The following TIAM2 variants were observed in gnomAD, a reference collection of about 807,000 sequenced individuals.
TIAM2 encodes the protein rho guanine nucleotide exchange factor TIAM2.
A neutral mutation model predicts 152.9 loss-of-function variants in TIAM2; 80 were observed. The observed-to-expected ratio is 0.52, with a 90% CI of 0.44 to 0.63. The LOEUF (loss-of-function observed/expected upper bound fraction) is 0.63, where lower values mean the gene tolerates loss of function less well. Ranked by LOEUF, TIAM2 falls within the 30% of genes least tolerant of loss-of-function variation. The probability of loss-of-function intolerance (pLI) is 0.00; values close to 1 mark genes in which losing one functional copy is unlikely to be tolerated. For synonymous variants in TIAM2, 804 were observed against 838.0 expected (o/e 0.96, Z 0.70); for missense variants, 1,965 against 2,120.1 (o/e 0.93, Z 1.44).
chr6:155,194,773 G>A (rs1583242408), intron 14 of TIAM2, among the ~76,000 whole-genome samples: 1 of 152,190 alleles, frequency 6.6e-6, no homozygotes, highest in African/African-American at 2.4e-5. Flanking sequence ...TGATTTGGCT[G>A]TGTCCCCACC....
intron 2 of TIAM2, among the ~76,000 whole-genome samples, chr6:155,099,110 C>T (rs1031333994): frequency 3.1e-5 from 4 of 127,978 alleles, no homozygotes; most frequent in Non-Finnish European, 5.3e-5. Context: ...TTGCTTGAAC[C>T]CGGGAGTCAG....
intron 1 of TIAM2, among the ~76,000 whole-genome samples, chr6:155,044,127 C>G (rs1035933163): frequency 5.3e-5 from 8 of 152,154 alleles, no homozygotes; most frequent in African/African-American, 1.9e-4. Context: ...ACTCTTCCTG[C>G]CTGCTAGTTT....
intron 2 of TIAM2, among the ~76,000 whole-genome samples, chr6:155,092,281 A>T (rs551849222): frequency 2.8e-4 from 42 of 151,638 alleles, no homozygotes; most frequent in South Asian, 6.3e-4. Context: ...AATAATTTGT[A>T]GAGGCGAGGT....
Position 155,250,898 on chromosome 6 carries a change from G to C in TIAM2, c.3952-15G>C, listed in dbSNP as rs1783616541. On this transcript the variant is annotated splice_polypyrimidine_tract_variant and intron_variant, in intron 21 of 26. Coordinates refer to ENST00000682666, the MANE Select transcript of TIAM2 (RefSeq NM_012454.4). ...GATTTCCGTATCTTCCTTACCTCCT[G>C]TTTTTACAATCTAGGTAACAGAACT... 1 of 1,612,958 alleles carries C rather than the reference G, an allele frequency of 6.2e-7. No homozygotes were observed. The highest frequency in any genetic ancestry group is 8.5e-7 in the Non-Finnish European group (1 of 1,178,954).
chr6:155,108,384 A>T (rs1022931535), intron 2 of TIAM2, among the ~76,000 whole-genome samples: 4 of 152,166 alleles, frequency 2.6e-5, no homozygotes, highest in Non-Finnish European at 5.9e-5. Flanking sequence ...GCTCTGACAG[A>T]GCCAGCAAGC....
rs1273552310 is a variant in TIAM2, at chr6:155,214,423, CGAAGCAGCTGGTTTGAT to C, written c.3168+3126_3168+3142del. Among the ~76,000 whole-genome samples the C allele has an allele frequency of 3.9e-5, 6 of 152,056 alleles. No homozygotes were observed. Among genetic ancestry groups the C allele is most frequent in the Non-Finnish European group, 8.8e-5 (6 of 67,994 alleles). ...GCTTCAGAACGGATGCTTCTGGTTC[CGAAGCAGCTGGTTTGAT>C]GAAGCAGCTATGGGCTCTCAGCCTC... is the stretch of plus-strand genomic sequence containing the variant. On this transcript the variant is annotated intron_variant, in intron 15 of 26. Transcript: ENST00000682666. The surrounding 1 kb of genome is among the most constrained non-coding windows in gnomAD (Gnocchi z 5.4).
rs373449587 is a variant in TIAM2 at position 155,248,177 on chromosome 6, C to T, written c.3830C>T (p.Thr1277Met). Reference protein sequence around the residue: ...DQESEEHYHLTEALKAMEKVA... With the variant: ...DQESEEHYHLMEALKAMEKVA... The stretch of plus-strand genomic sequence containing the variant: ...GAGAGCGAGGAGCACTACCACCTGA[C>T]GGGTGAGGCGGCGGCGGCACCTCCG... The change falls in exon 20 of 27, where the codon ACG becomes ATG. Residue 1277 changes from threonine to methionine, a missense_variant and splice_region_variant. Transcript: ENST00000682666. The T allele has an allele frequency of 5.8e-5, 94 of 1,612,592 alleles. No individual in the cohort carries two copies. The highest frequency in any genetic ancestry group is 1.8e-4 in the South Asian group (16 of 91,040).
chr6:155,029,513 C>CTATATATTATATACTATAG (rs1776769698), intron 1 of TIAM2, among the ~76,000 whole-genome samples: 2 of 22,072 alleles, frequency 9.1e-5, no homozygotes, highest in Admixed American at 1.2e-3. Context: ...ATAATATATA[C>CTATATATTATATACTATAG]TATATATTAT....
intron 5 of TIAM2, among the ~76,000 whole-genome samples, chr6:155,141,757 A>G (rs1779712776): frequency 6.6e-6 from 1 of 152,170 alleles, no homozygotes; most frequent in Admixed American, 6.5e-5. Flanking sequence ...TTCATAAACT[A>G]ATTTTAGAAT....
rs1250149041 is a variant in TIAM2 at position 155,029,584 on chromosome 6, C to CTATATAGTTATATATACTA, written c.-209+34100_-209+34101insTATATATACTATATATAGT. On this transcript the variant is annotated intron_variant, in intron 1 of 26. Coordinates refer to ENST00000682666, the MANE Select transcript of TIAM2 (RefSeq NM_012454.4). ...ATATACTATATAATAGTATATATAA[C>CTATATAGTTATATATACTA]TATATAGTATATATAGTTATATAAC... Among the ~76,000 whole-genome samples the CTATATAGTTATATATACTA allele has an allele frequency of 7.2e-4, 52 of 72,284 alleles. 2 individuals are homozygous for CTATATAGTTATATATACTA. The highest frequency in any genetic ancestry group is 1.5e-3 in the Admixed American group (8 of 5,192). The allele number at this position is 72,284 out of a possible 152,430, so 47.4% of individuals were successfully genotyped here. A position where few individuals can be genotyped will look rare whatever the true frequency, so the allele number is the denominator to read the frequency against.
intron 1 of TIAM2, among the ~76,000 whole-genome samples, chr6:155,031,292 A>G (rs1463751394): frequency 6.6e-6 from 1 of 152,252 alleles, no homozygotes; most frequent in Non-Finnish European, 1.5e-5. Context: ...ATGAGTCAAT[A>G]TAAATCCAGG....
chr6:155,110,914 C>T (rs1289976344), intron 2 of TIAM2, among the ~76,000 whole-genome samples: 2 of 152,184 alleles, frequency 1.3e-5, no homozygotes, highest in African/African-American at 4.8e-5. Flanking sequence ...GGGTATTGTT[C>T]AAGCACTGGA....
chr6:155,129,805 G>A lies in TIAM2; in HGVS notation c.582G>A (p.Pro194=), dbSNP rs763136871. The A allele has an allele frequency of 2.0e-5, 32 of 1,613,528 alleles. No individual in the cohort carries two copies. Among genetic ancestry groups the A allele is most frequent in the Non-Finnish European group, 2.5e-5 (30 of 1,180,028 alleles). ...TGCCTGCAGAGGACTGCAGTGAGCC[G>A]GTGCAGCTGCTGAGGTACTCACCTA... ...SKVPAEDCSE[P]VQLLRYSPTL... is the part of the protein sequence containing the mutation. Residue 194 remains proline (P), a synonymous_variant, in exon 4 of 27, where the codon CCG becomes CCA. Coordinates refer to ENST00000682666, the MANE Select transcript of TIAM2 (RefSeq NM_012454.4). The surrounding 1 kb of genome is among the most constrained non-coding windows in gnomAD (Gnocchi z 4.8).
intron 1 of TIAM2, among the ~76,000 whole-genome samples, chr6:155,067,853 G>T (rs1485751673): frequency 6.6e-6 from 1 of 152,054 alleles, no homozygotes; most frequent in Non-Finnish European, 1.5e-5. Context: ...TGTTGCCTGG[G>T]CTGGTCTCGA....
At chr6:155,120,915 A>G (rs964171424) in intron 2 of TIAM2, among the ~76,000 whole-genome samples, 6 of 152,302 alleles carry the variant, frequency 3.9e-5, no homozygotes, top group East Asian at 3.9e-4. Flanking sequence ...TACCAGTTCA[A>G]TGCGCATTCA....
chr6:155,250,403 T>TA, intron 21 of TIAM2: 2 of 620,360 alleles, frequency 3.2e-6, no homozygotes, highest in Non-Finnish European at 5.2e-6. Flanking sequence ...TCTGATTGCT[T>TA]AATTTAGAAT....
intron 1 of TIAM2, among the ~76,000 whole-genome samples, chr6:155,039,766 C>G (rs960888924): frequency 1.3e-5 from 2 of 152,150 alleles, no homozygotes; most frequent in Non-Finnish European, 2.9e-5. Context: ...TGTAACTTGT[C>G]TCTTCCTAAA....
intron 20 of TIAM2, among the ~76,000 whole-genome samples, chr6:155,249,172 A>G (rs1373895011): frequency 1.3e-5 from 2 of 152,250 alleles, no homozygotes; most frequent in Admixed American, 6.5e-5. Context: ...AAGTATAAAG[A>G]ATACTGAATT....
chr6:155,071,899 A>G (rs1777847729), intron 1 of TIAM2, among the ~76,000 whole-genome samples: 1 of 144,504 alleles, frequency 6.9e-6, no homozygotes, highest in African/African-American at 2.8e-5. Flanking sequence ...CTGTGTCAAA[A>G]AAAAAAAAAA....
Sources: allele counts gnomAD v4.1 joint callset (sites outside exome capture counted in the v4.1 genomes callset), GRCh38; gene constraint gnomAD v4.1.1; non-coding constraint Gnocchi (gnomAD v3.1); transcripts MANE v1.5; gene names NCBI Gene and HGNC (gene_info 2026-07-23, HGNC 2026-07-21).